Variants in MYO3B observed in about 807,000 individuals in gnomAD.
MYO3B encodes the protein myosin IIIB, also known as myosin-IIIb.
In MYO3B, 156 loss-of-function variants were observed where a neutral mutation model predicts 174.6. That is an observed-to-expected ratio of 0.89 (90% CI 0.78 to 1.02). MYO3B has a LOEUF of 1.02. MYO3B is among the 50% of genes least tolerant of loss of function. The pLI is 0.00. For missense variants in MYO3B, 1,632 were observed against 1,639.4 expected, an observed-to-expected ratio of 1.00 and a Z score of 0.08; for synonymous variants, 563 against 569.1, an observed-to-expected ratio of 0.99 and a Z score of 0.15.
chr2:170,383,062 C>T lies in MYO3B; in HGVS notation c.1069-11C>T. ...TAATATTTACCTCAATACCATTTATCCTCTTCTTAGGATACAATTATCCAT... is the reference window on the plus strand; with the variant it reads ...TAATATTTACCTCAATACCATTTATTCTCTTCTTAGGATACAATTATCCAT... On this transcript the variant is annotated splice_polypyrimidine_tract_variant and intron_variant, in intron 10 of 34. Coordinates refer to ENST00000408978, the MANE Select transcript of MYO3B (RefSeq NM_138995.5). 3 of 1,532,852 alleles carry T rather than the reference C, an allele frequency of 2.0e-6. No homozygotes were observed. Among genetic ancestry groups the T allele is most frequent in the Non-Finnish European group, 2.7e-6 (3 of 1,106,822 alleles). The allele number at this position is 1,532,852 out of a possible 1,614,324, so 95.0% of individuals were successfully genotyped here. A position where few individuals can be genotyped will look rare whatever the true frequency, so the allele number is the denominator to read the frequency against.
chr2:170,278,793 C>T (rs1430705962), intron 7 of MYO3B, among the ~76,000 whole-genome samples: 2 of 152,072 alleles, frequency 1.3e-5, no homozygotes, highest in Non-Finnish European at 2.9e-5. Context: ...ACATTCTTCC[C>T]AGCCTCTGAT....
intron 7 of MYO3B, among the ~76,000 whole-genome samples, chr2:170,330,385 A>G (rs2093903484): frequency 6.6e-6 from 1 of 152,238 alleles, no homozygotes; most frequent in Non-Finnish European, 1.5e-5. Context: ...AGTGAGGTAT[A>G]TGGGCATTGG....
rs56106752 is a variant in MYO3B at position 170,200,284 on chromosome 2, G to A, written c.321G>A (p.Glu107=). The A allele has an allele frequency of 1.3e-5, 21 of 1,609,024 alleles. 1 individual carries two copies. The highest frequency in any genetic ancestry group is 1.6e-4 in the Middle Eastern group (1 of 6,064). The change falls in exon 3 of 35, where the codon GAG becomes GAA. Residue 107 remains glutamate (E), a splice_region_variant and synonymous_variant. Coordinates refer to ENST00000408978, the MANE Select transcript of MYO3B (RefSeq NM_138995.5). ...GGGGACAGCTGTGGCTGGTCCTGGA[G>A]GTAAGAGGCTCCCATTGGGTAACCA... ...CVGGQLWLVL[E]LCNGGSVTEL... is the part of the protein sequence containing the mutation.
At position 170,297,310 on chromosome 2, in the gene MYO3B, TC is replaced by T. The variant is rs2093635194; in HGVS notation, c.750-38070del. Among the ~76,000 whole-genome samples, 3 of 144,790 alleles carry T rather than the reference TC, an allele frequency of 2.1e-5. No homozygotes were observed. In the South Asian group the frequency reaches 7.2e-4, roughly 35 times the overall value. 95.0% of individuals were successfully genotyped at this position (144,790 alleles called of 152,430 possible). Reference sequence around the variant, plus strand: ...ATACCCGCTCCCAATGGCCACCCCCTCCCCCAATGACATGCACCCACAGACA... The same window carrying T: ...ATACCCGCTCCCAATGGCCACCCCCTCCCCAATGACATGCACCCACAGACA... On this transcript the variant is annotated intron_variant, in intron 7 of 34. Transcript: ENST00000408978.
At chr2:170,359,555 A>T (rs1002138028) in intron 8 of MYO3B, among the ~76,000 whole-genome samples, 4 of 151,868 alleles carry the variant, frequency 2.6e-5, no homozygotes, top group South Asian at 4.2e-4. Context: ...TTCCAGCCAG[A>T]CTCTCACCCC....
chr2:170,388,083 T>C (rs2094388790), intron 14 of MYO3B, among the ~76,000 whole-genome samples: 1 of 151,964 alleles, frequency 6.6e-6, no homozygotes, highest in Non-Finnish European at 1.5e-5. Context: ...TAATAGCTAT[T>C]ATTATTATTG....
intron 34 of MYO3B, among the ~76,000 whole-genome samples, 162 bp from the exon 35 acceptor site, chr2:170,652,821 C>T (rs556270603): frequency 1.1e-4 from 17 of 152,282 alleles, no homozygotes; most frequent in Admixed American, 2.0e-4. Flanking sequence ...GACCCTGGTA[C>T]CTCTGTACTG....
chr2:170,230,450 G>A (rs1252943398), intron 6 of MYO3B, among the ~76,000 whole-genome samples: 1 of 147,264 alleles, frequency 6.8e-6, no homozygotes, highest in African/African-American at 2.5e-5. Context: ...CAAAGTGCTG[G>A]GATTATAGGC....
intron 7 of MYO3B, among the ~76,000 whole-genome samples, chr2:170,284,983 T>G (rs1021597393): frequency 2.0e-5 from 3 of 152,248 alleles, no homozygotes; most frequent in African/African-American, 7.2e-5. Flanking sequence ...TGCATCTTGC[T>G]TTTGAGTTGC....
intron 1 of MYO3B, among the ~76,000 whole-genome samples, chr2:170,184,238 A>G (rs777938062): frequency 9.9e-5 from 15 of 152,098 alleles, no homozygotes; most frequent in Non-Finnish European, 1.8e-4. Flanking sequence ...TAAATTTACA[A>G]TAAATTAGTG....
intron 32 of MYO3B, among the ~76,000 whole-genome samples, chr2:170,587,833 A>C (rs1040523286): frequency 6.6e-6 from 1 of 152,242 alleles, no homozygotes; most frequent in African/African-American, 2.4e-5. Flanking sequence ...TGCAAAAGTG[A>C]GCACTGAATC....
intron 25 of MYO3B, 101 bp downstream of exon 25, chr2:170,466,812 A>G (rs955626617): frequency 1.3e-5 from 16 of 1,219,240 alleles, no homozygotes; most frequent in South Asian, 2.9e-5. Context: ...TCCTCCAAAC[A>G]TGTAATTGGC....
intron 24 of MYO3B, among the ~76,000 whole-genome samples, chr2:170,464,833 T>G (rs1190313156): frequency 6.6e-6 from 1 of 152,138 alleles, no homozygotes; most frequent in Non-Finnish European, 1.5e-5. Flanking sequence ...TTAGTCCATT[T>G]TATGTTGCTA....
intron 24 of MYO3B, 110 bp downstream of exon 24, chr2:170,463,555 A>C: frequency 1.1e-6 from 1 of 945,662 alleles, no homozygotes; most frequent in Non-Finnish European, 1.6e-6. Context: ...GCACAGAGTC[A>C]AGAAAGATTG....
At chr2:170,230,365 T>TTTTTTTTTTTTTTGGA (rs1559318980) in intron 6 of MYO3B, among the ~76,000 whole-genome samples, 4 of 140,854 alleles carry the variant, frequency 2.8e-5, no homozygotes, top group African/African-American at 8.7e-5. Context: ...TTTTTTTTAG[T>TTTTTTTTTTTTTTGGA]AGAGACGGGG....
intron 30 of MYO3B, among the ~76,000 whole-genome samples, chr2:170,527,199 G>A (rs1689060902): frequency 6.6e-6 from 1 of 152,176 alleles, no homozygotes; most frequent in African/African-American, 2.4e-5. Context: ...GCCATTCTTG[G>A]AAGGTGAGAG....
rs138203320 is a variant in MYO3B at position 170,248,218 on chromosome 2, C to T, written c.749+12082C>T. 6.5e-3 allele frequency among the ~76,000 whole-genome samples: 986 copies of T among 152,206 alleles called. 16 individuals are homozygous for T. The highest frequency in any genetic ancestry group is 0.022 in the Admixed American group (338 of 15,280). ...TATCTCTTTCTTTCCTCCTTCCTTC[C>T]GGAAGGGTGAAGGGATAGGAAGTCT... On this transcript the variant is annotated intron_variant, in intron 7 of 34. Coordinates refer to ENST00000408978, the MANE Select transcript of MYO3B (RefSeq NM_138995.5).
At chr2:170,569,052 A>G (rs556484608) in intron 32 of MYO3B, among the ~76,000 whole-genome samples, 24 of 152,274 alleles carry the variant, frequency 1.6e-4, no homozygotes, top group African/African-American at 5.5e-4. Flanking sequence ...GTAGGGGGAG[A>G]GAAAAACAAG....
chr2:170,538,743 C>T (rs201803291), intron 30 of MYO3B, among the ~76,000 whole-genome samples: 192 of 152,290 alleles, frequency 1.3e-3, no homozygotes, highest in African/African-American at 4.2e-3. Context: ...CTGACTTCAG[C>T]GAAGCGGTCG....
Sources: allele counts gnomAD v4.1 joint callset (sites outside exome capture counted in the v4.1 genomes callset), GRCh38; gene constraint gnomAD v4.1.1; transcripts MANE v1.5; gene names NCBI Gene and HGNC (gene_info 2026-07-23, HGNC 2026-07-21).